The following ARHGAP25 variants were observed in gnomAD, a reference collection of about 807,000 sequenced individuals.
ARHGAP25 encodes the protein Rho GTPase activating protein 25, also known as rho GTPase-activating protein 25.
In ARHGAP25, 34 loss-of-function variants were observed where a neutral mutation model predicts 71.0. The ratio of observed to expected loss-of-function variants is 0.48; its 90% CI spans 0.36 to 0.64. The LOEUF (loss-of-function observed/expected upper bound fraction) is 0.64, where lower values mean the gene tolerates loss of function less well. ARHGAP25 is among the 30% of genes least tolerant of loss of function. ARHGAP25 has a pLI of 0.00. For synonymous variants in ARHGAP25, 282 were observed against 296.5 expected (o/e 0.95, Z 0.50); for missense variants, 706 against 805.1 (o/e 0.88, Z 1.49).
chr2:68,806,630 C>T (rs35343533), intron 4 of ARHGAP25, among the ~76,000 whole-genome samples: 37 of 152,188 alleles, frequency 2.4e-4, no homozygotes, highest in Non-Finnish European at 4.6e-4. Flanking sequence ...TAGGCTGGAC[C>T]GAGCGGGACC....
intron 1 of ARHGAP25, among the ~76,000 whole-genome samples, chr2:68,773,226 C>T (rs1677602666): frequency 6.6e-6 from 1 of 152,146 alleles, no homozygotes; most frequent in Non-Finnish European, 1.5e-5. Context: ...TACAGAAAGA[C>T]TCTGTAATGC....
intron 2 of ARHGAP25, among the ~76,000 whole-genome samples, chr2:68,720,499 T>C (rs7606117): frequency 0.33 from 50,184 of 151,694 alleles, 8,465 homozygotes; most frequent in East Asian, 0.47. Context: ...GCATAATGGC[T>C]GCAGTCTGTT....
chr2:68,757,321 A>G lies in ARHGAP25; in HGVS notation c.62-17900A>G, dbSNP rs536600133. 1.7e-3 allele frequency among the ~76,000 whole-genome samples: 253 copies of G among 152,278 alleles called. 1 individual carries two copies. Among genetic ancestry groups the G allele is most frequent in the Non-Finnish European group, 2.1e-3 (146 of 68,000 alleles). On this transcript the variant is annotated intron_variant, in intron 1 of 10. Coordinates refer to ENST00000409202, the MANE Select transcript of ARHGAP25 (RefSeq NM_001007231.3). ...TGAATATAAACATCCAAGAAGTTCA[A>G]TGACAGCTGATGAACTGAAAGAGAC...
intron 9 of ARHGAP25, among the ~76,000 whole-genome samples, chr2:68,821,872 A>G (rs1401594395): frequency 7.5e-6 from 1 of 133,418 alleles, no homozygotes; most frequent in Non-Finnish European, 1.6e-5. Context: ...AGAGTAACCA[A>G]TTGTCTGATA....
intron 4 of ARHGAP25, among the ~76,000 whole-genome samples, chr2:68,806,306 C>T (rs775916972): frequency 2.0e-5 from 3 of 152,112 alleles, no homozygotes; most frequent in African/African-American, 4.8e-5. Context: ...GGTGAATGAA[C>T]GTGTTTGCTG....
chr2:68,738,380 C>T (rs944480011), intron 1 of ARHGAP25, among the ~76,000 whole-genome samples: 1 of 152,094 alleles, frequency 6.6e-6, no homozygotes, highest in African/African-American at 2.4e-5. Flanking sequence ...ATGCTGGTTC[C>T]CCAGTTTCAG....
At chr2:68,820,867 C>G (rs1310662877) in intron 9 of ARHGAP25, among the ~76,000 whole-genome samples, 1 of 151,814 alleles carries the variant, frequency 6.6e-6, no homozygotes, top group East Asian at 1.9e-4. Flanking sequence ...CTCTCTCTCT[C>G]TACAGTCACA....
intron 1 of ARHGAP25, among the ~76,000 whole-genome samples, chr2:68,773,505 G>A (rs1236082446): frequency 6.6e-6 from 1 of 152,168 alleles, no homozygotes; most frequent in African/African-American, 2.4e-5. Flanking sequence ...TCCAAAAGTG[G>A]GGAAGGCAGG....
intron 6 of ARHGAP25, among the ~76,000 whole-genome samples, chr2:68,814,031 C>T (rs868299248): frequency 6.6e-6 from 1 of 152,164 alleles, no homozygotes; most frequent in Non-Finnish European, 1.5e-5. Context: ...TTATAATCAA[C>T]CAACCAACCA....
At chr2:68,809,733 C>A (rs77107995) in intron 5 of ARHGAP25, among the ~76,000 whole-genome samples, 5,238 of 152,220 alleles carry the variant, frequency 0.034, 127 homozygotes, top group South Asian at 0.056. Flanking sequence ...CTGTCCCCAA[C>A]TTCACGGCTG....
At chr2:68,778,708 G>A (rs1308192030) in intron 2 of ARHGAP25, among the ~76,000 whole-genome samples, 1 of 152,170 alleles carries the variant, frequency 6.6e-6, no homozygotes, top group African/African-American at 2.4e-5. Flanking sequence ...CTTAGACACA[G>A]TAATTCTGGG....
chr2:68,750,034 T>C (rs1046042583), intron 1 of ARHGAP25, among the ~76,000 whole-genome samples: 1 of 152,160 alleles, frequency 6.6e-6, no homozygotes, highest in Non-Finnish European at 1.5e-5. Context: ...AGAGACAGGG[T>C]CTTGCTCTGT....
rs527852594 is a variant in ARHGAP25, at chr2:68,713,011, T to G, written c.-18+2313T>G. Among the ~76,000 whole-genome samples, 4 of 152,338 alleles carry G rather than the reference T, an allele frequency of 2.6e-5. No homozygotes were observed. The East Asian group carries it at 5.8e-4, about 22-fold the overall frequency. On this transcript the variant is annotated intron_variant and NMD_transcript_variant, in intron 2 of 7. Transcript: ENST00000463483. ...ATACAGGCTCTTTTTTCATTCCATA[T>G]GAAATTCAAAGTAGTTTTTTCTAAT...
chr2:68,810,728 TC>T (rs1558655547), intron 5 of ARHGAP25, among the ~76,000 whole-genome samples: 2 of 20,832 alleles, frequency 9.6e-5, no homozygotes, highest in Admixed American at 7.0e-4. Flanking sequence ...TTTCTTTTCT[TC>T]TCTTTTTTTT....
At chr2:68,802,407 C>CAAA (rs10688959) in intron 4 of ARHGAP25, among the ~76,000 whole-genome samples, 913 of 81,698 alleles carry the variant, frequency 0.011, 22 homozygotes, top group Middle Eastern at 0.025. Context: ...GACTCCATCT[C>CAAA]AAAAAAAAAA....
intron 2 of ARHGAP25, among the ~76,000 whole-genome samples, chr2:68,717,317 T>A (rs1166895523): frequency 1.3e-5 from 2 of 152,330 alleles, no homozygotes; most frequent in East Asian, 3.9e-4. Flanking sequence ...ACTGAATACA[T>A]CAAACCTTAG....
At chr2:68,802,875 A>G (rs1188993085) in intron 4 of ARHGAP25, among the ~76,000 whole-genome samples, 1 of 151,870 alleles carries the variant, frequency 6.6e-6, no homozygotes, top group African/African-American at 2.4e-5. Flanking sequence ...TTCATAAATT[A>G]TATCTATCAA....
chr2:68,760,001 G>A (rs572856583), intron 1 of ARHGAP25, among the ~76,000 whole-genome samples: 1 of 152,062 alleles, frequency 6.6e-6, no homozygotes, highest in South Asian at 2.1e-4. Context: ...GACCAAATGG[G>A]ATTTATTCTT....
At chr2:68,780,909 A>G (rs1368139608) in intron 2 of ARHGAP25, among the ~76,000 whole-genome samples, 1 of 152,200 alleles carries the variant, frequency 6.6e-6, no homozygotes, top group African/African-American at 2.4e-5. Flanking sequence ...TCAACTCAGA[A>G]TCAGGCCTGC....
Sources: allele counts gnomAD v4.1 joint callset (sites outside exome capture counted in the v4.1 genomes callset), GRCh38; gene constraint gnomAD v4.1.1; transcripts MANE v1.5; gene names NCBI Gene and HGNC (gene_info 2026-07-23, HGNC 2026-07-21).